Variants in DLG2 observed in about 807,000 individuals in gnomAD.
DLG2 encodes disks large homolog 2.
DLG2 carries 45 observed loss-of-function variants against 132.5 expected under a neutral mutation model. The observed-to-expected ratio is 0.34, with a 90% confidence interval of 0.27 to 0.44. The LOEUF (loss-of-function observed/expected upper bound fraction) is 0.44. Among genes scored for constraint, DLG2 ranks in the 20% least tolerant of loss-of-function variants. DLG2 has a pLI of 1.00. For synonymous variants in DLG2, 424 were observed against 419.6 expected (o/e 1.01, Z -0.13); for missense variants, 1,045 against 1,196.9 (o/e 0.87, Z 1.87).
intron 3 of DLG2, among the ~76,000 whole-genome samples, chr11:85,397,118 A>G (rs1279274575): frequency 5.3e-5 from 8 of 152,218 alleles, no homozygotes; most frequent in Admixed American, 5.2e-4. Flanking sequence ...AGCAGGGGCC[A>G]ATATTCAACA....
chr11:84,160,915 G>T (rs1285836919), intron 9 of DLG2, among the ~76,000 whole-genome samples: 1 of 152,190 alleles, frequency 6.6e-6, no homozygotes, highest in Non-Finnish European at 1.5e-5. Flanking sequence ...ACAGCTGAAA[G>T]AGAAGATGAG....
intron 18 of DLG2, among the ~76,000 whole-genome samples, chr11:83,757,756 T>A (rs2093711776): frequency 6.6e-6 from 1 of 152,184 alleles, no homozygotes; most frequent in South Asian, 2.1e-4. Flanking sequence ...CACTCATACA[T>A]GCACATTCCC....
chr11:84,478,640 A>T (rs1013474227), intron 7 of DLG2, among the ~76,000 whole-genome samples: 5 of 152,172 alleles, frequency 3.3e-5, no homozygotes, highest in Admixed American at 6.6e-5. Context: ...TTTTGATAAC[A>T]GAAGGAAACC....
intron 7 of DLG2, among the ~76,000 whole-genome samples, chr11:84,464,634 T>G (rs891951020): frequency 2.0e-5 from 3 of 151,164 alleles, no homozygotes; most frequent in Admixed American, 6.6e-5. Context: ...AGAGGTGAAA[T>G]GTACTGATCA....
intron 7 of DLG2, among the ~76,000 whole-genome samples, chr11:84,521,221 G>C (rs944012073): frequency 3.3e-5 from 5 of 152,166 alleles, no homozygotes; most frequent in Non-Finnish European, 7.4e-5. Flanking sequence ...CTTTACTAAA[G>C]CTGAAAATTG....
intron 6 of DLG2, among the ~76,000 whole-genome samples, chr11:84,769,033 G>A (rs933219481): frequency 6.6e-6 from 1 of 152,128 alleles, no homozygotes; most frequent in African/African-American, 2.4e-5. Context: ...AAGTGCCAGT[G>A]TCTTCAGATG....
At chr11:84,770,865 T>G (rs1366380818) in intron 6 of DLG2, among the ~76,000 whole-genome samples, 2 of 151,600 alleles carry the variant, frequency 1.3e-5, no homozygotes, top group Admixed American at 6.6e-5. Flanking sequence ...GCCAGGGTGG[T>G]CTCAATCTCC....
At chr11:84,933,753 G>A (rs1041995448) in intron 6 of DLG2, among the ~76,000 whole-genome samples, 4 of 152,198 alleles carry the variant, frequency 2.6e-5, no homozygotes, top group African/African-American at 9.6e-5. Flanking sequence ...CACTCACAAA[G>A]CTTTTGGGCT....
At chr11:84,843,318 G>A (rs371420996) in intron 6 of DLG2, among the ~76,000 whole-genome samples, 1 of 150,530 alleles carries the variant, frequency 6.6e-6, no homozygotes, top group African/African-American at 2.4e-5. Flanking sequence ...CAAGGGATTC[G>A]GTACTGGATC....
At position 83,459,541 on chromosome 11, in the gene DLG2, T is replaced by C. The variant is rs2089498015; in HGVS notation, c.*277A>G. 2 of 267,426 alleles carry C rather than the reference T, an allele frequency of 7.5e-6. No homozygotes were observed. Among genetic ancestry groups the C allele is most frequent in the South Asian group, 8.4e-5 (1 of 11,880 alleles). The allele number at this position is 267,426 out of a possible 1,614,324, so 16.6% of individuals were successfully genotyped here. A position where few individuals can be genotyped will look rare whatever the true frequency, so the allele number is the denominator to read the frequency against. On this transcript the variant is annotated 3_prime_UTR_variant, in exon 28 of 28. Transcript: ENST00000376104. ...CTGGGGTGAGGAGGCTCTCATCTCA[T>C]CTCTTGGGCAGAAAGCCCGTCAGAG...
chr11:84,730,543 A>G (rs1020223702), intron 6 of DLG2, among the ~76,000 whole-genome samples: 96 of 152,190 alleles, frequency 6.3e-4, no homozygotes, highest in Non-Finnish European at 1.4e-3. Flanking sequence ...CCCATCTGTG[A>G]AACAAAGGCA....
At chr11:83,570,870 T>C (rs552212776) in intron 19 of DLG2, among the ~76,000 whole-genome samples, 47 of 152,216 alleles carry the variant, frequency 3.1e-4, no homozygotes, top group African/African-American at 9.9e-4. Flanking sequence ...AAATGACAGA[T>C]GAGTTACTAT....
intron 6 of DLG2, among the ~76,000 whole-genome samples, chr11:84,813,263 T>A (rs2076762990): frequency 6.6e-6 from 1 of 151,890 alleles, no homozygotes; most frequent in South Asian, 2.1e-4. Flanking sequence ...TGGGTAACAC[T>A]ATGAGAGGTT....
At chr11:84,905,816 A>T (rs939541442) in intron 6 of DLG2, among the ~76,000 whole-genome samples, 1 of 152,038 alleles carries the variant, frequency 6.6e-6, no homozygotes, top group African/African-American at 2.4e-5. Flanking sequence ...CTTATTATTA[A>T]TCTGTTGAAA....
rs536129464 is a variant in DLG2 at position 84,541,188 on chromosome 11, T to TATAATA, written c.358-6463_358-6458dup. On this transcript the variant is annotated intron_variant, in intron 6 of 27. Coordinates refer to ENST00000376104, the MANE Select transcript of DLG2 (RefSeq NM_001142699.3). Reference sequence around the variant, plus strand: ...ACATGTACCCTAGAACTTGAAGTATTATAATAATAATAATAATAATAATAA... The same window carrying TATAATA: ...ACATGTACCCTAGAACTTGAAGTATTATAATAATAATAATAATAATAATAATAATAA... Among the ~76,000 whole-genome samples the TATAATA allele has an allele frequency of 6.5e-3, 740 of 113,888 alleles. 2 individuals are homozygous for TATAATA. Among genetic ancestry groups the TATAATA allele is most frequent in the Non-Finnish European group, 0.011 (543 of 49,232 alleles). The allele number at this position is 113,888 out of a possible 152,430, so 74.7% of individuals were successfully genotyped here.
chr11:83,815,893 C>A (rs995620683), intron 17 of DLG2, among the ~76,000 whole-genome samples: 1 of 152,116 alleles, frequency 6.6e-6, no homozygotes, highest in Non-Finnish European at 1.5e-5. Context: ...TCTTCAATAT[C>A]TGACATGGAT....
chr11:84,113,908 T>C (rs932132281), intron 9 of DLG2, among the ~76,000 whole-genome samples: 12 of 152,050 alleles, frequency 7.9e-5, no homozygotes, highest in African/African-American at 2.9e-4. Flanking sequence ...ATATCCACAG[T>C]TATCTGAAAA....
intron 9 of DLG2, among the ~76,000 whole-genome samples, chr11:84,152,461 A>C (rs1312267857): frequency 6.7e-6 from 1 of 148,848 alleles, no homozygotes; most frequent in Non-Finnish European, 1.5e-5. Flanking sequence ...ATCTCGGCTC[A>C]CTGCAAGCTC....
chr11:84,839,482 G>A (rs551870494), intron 6 of DLG2, among the ~76,000 whole-genome samples: 2 of 151,880 alleles, frequency 1.3e-5, no homozygotes, highest in African/African-American at 2.4e-5. Context: ...TCACAGAATC[G>A]GAAAAAACTA....
Sources: gnomAD v4.1 joint callset for allele counts (sites outside exome capture counted in the v4.1 genomes callset) on GRCh38, gnomAD v4.1.1 for gene constraint, MANE v1.5 for transcripts, NCBI Gene and HGNC (gene_info 2026-07-23, HGNC 2026-07-21) for gene names.